Variants in MRPS25 observed in about 807,000 individuals in gnomAD.
The protein encoded by MRPS25 is small ribosomal subunit protein mS25.
In MRPS25, 15 loss-of-function variants were observed where a neutral mutation model predicts 17.3. That is an observed-to-expected ratio of 0.87 (90% CI 0.58 to 1.34). MRPS25 has a LOEUF of 1.34. Among genes scored for constraint, MRPS25 ranks in the 40% most tolerant of loss-of-function variants. The pLI is 0.00. For missense variants in MRPS25, 225 were observed against 218.6 expected (o/e 1.03, Z -0.19); for synonymous variants, 94 against 83.3 (o/e 1.13, Z -0.70).
chr3:15,057,295 C>T (rs976714124), intron 2 of MRPS25, among the ~76,000 whole-genome samples: 2 of 152,208 alleles, frequency 1.3e-5, no homozygotes, highest in East Asian at 3.9e-4. Flanking sequence ...GGCAACCTTC[C>T]CTGCCCGGCC....
At chr3:15,053,060 A>T (rs1456075214) in intron 3 of MRPS25, among the ~76,000 whole-genome samples, 1 of 152,180 alleles carries the variant, frequency 6.6e-6, no homozygotes, top group Non-Finnish European at 1.5e-5. Context: ...TGCTAGCTCC[A>T]AGCTGAGATT....
rs972705542 is a variant in MRPS25, at chr3:15,063,393, C to G, written c.134+1668G>C. ...GCAGGTACCCAAAGACTGGCTGGAC[C>G]GGTCGCAGGCACTTGGGATGGAGGT... On this transcript the variant is annotated intron_variant, in intron 1 of 3. Coordinates refer to ENST00000253686, the MANE Select transcript of MRPS25 (RefSeq NM_022497.5). Among the ~76,000 whole-genome samples, 4 of 152,248 alleles carry G rather than the reference C, an allele frequency of 2.6e-5. No homozygotes were observed. In the South Asian group the frequency reaches 6.2e-4, roughly 24 times the overall value.
downstream of MRPS25, chr3:15,043,999 TTGTG>T (rs2042362632): frequency 6.6e-6 from 1 of 152,192 alleles, no homozygotes; most frequent in Non-Finnish European, 1.5e-5. Flanking sequence ...TTGGGGGTGC[TTGTG>T]TGTTTGTCCA....
chr3:15,043,038 A>C, downstream of MRPS25: 1 of 1,608,288 alleles, frequency 6.2e-7, no homozygotes, highest in South Asian at 1.1e-5. Flanking sequence ...AAGGAGCAAC[A>C]GAATCCTTCC....
chr3:15,054,652 G>T (rs2042647378), intron 2 of MRPS25, among the ~76,000 whole-genome samples: 1 of 151,986 alleles, frequency 6.6e-6, no homozygotes, highest in Admixed American at 6.6e-5. Context: ...ACCTAGGCAA[G>T]TATATTTTGG....
chr3:15,059,815 G>A (rs1012604839), intron 1 of MRPS25, among the ~76,000 whole-genome samples: 1 of 152,184 alleles, frequency 6.6e-6, no homozygotes, highest in Non-Finnish European at 1.5e-5. Context: ...AGTTCATGGA[G>A]CTGTATACTT....
At chr3:15,046,935 C>T (rs1480152855), downstream of MRPS25, 1 of 152,656 alleles carries the variant, frequency 6.6e-6, no homozygotes, top group Non-Finnish European at 1.5e-5. Flanking sequence ...GTCTTTTGTA[C>T]ACAGGGTCTG....
In MRPS25 at chr3:15,048,872, TATCA is replaced by T. The variant is rs1163558210; in HGVS notation, c.*3565_*3568del. The T allele has an allele frequency of 6.5e-6, 1 of 152,672 alleles. No homozygotes were observed. Among genetic ancestry groups the T allele is most frequent in the Non-Finnish European group, 1.5e-5 (1 of 68,052 alleles). The allele number at this position is 152,672 out of a possible 1,614,324, so 9.5% of individuals were successfully genotyped here. On this transcript the variant is annotated 3_prime_UTR_variant, in exon 4 of 4. Transcript: ENST00000253686. Reference sequence around the variant, plus strand: ...ACCAGCCCTTTTAAAGGCATCTATCTATCAAAGGAAAATTTGGGTGTTAGATTTT... The same window carrying T: ...ACCAGCCCTTTTAAAGGCATCTATCTAAGGAAAATTTGGGTGTTAGATTTT...
chr3:15,055,379 T>C (rs1457619056), intron 2 of MRPS25, among the ~76,000 whole-genome samples: 2 of 152,162 alleles, frequency 1.3e-5, no homozygotes, highest in African/African-American at 4.8e-5. Context: ...AATGATGAGA[T>C]CTCAATGAGT....
Position 15,051,092 on chromosome 3 carries a change from C to A in MRPS25, c.*1349G>T. 1.0e-6 allele frequency: 1 copy of A among 985,418 alleles called. No homozygotes were observed. Among genetic ancestry groups the A allele is most frequent in the Non-Finnish European group, 1.2e-6 (1 of 829,898 alleles). 61.0% of individuals were successfully genotyped at this position (985,418 alleles called of 1,614,324 possible). On this transcript the variant is annotated 3_prime_UTR_variant, in exon 4 of 4. Coordinates refer to ENST00000253686, the MANE Select transcript of MRPS25 (RefSeq NM_022497.5). ...TGTCCTTTTTTAATTCTTTTAACCACTGCCTTCCTGTCTCAGATAAAGTCA... is the reference window on the plus strand; with the variant it reads ...TGTCCTTTTTTAATTCTTTTAACCAATGCCTTCCTGTCTCAGATAAAGTCA...
At chr3:15,060,864 G>C (rs1327443318) in intron 1 of MRPS25, among the ~76,000 whole-genome samples, 1 of 151,380 alleles carries the variant, frequency 6.6e-6, no homozygotes. Flanking sequence ...CTGGGTGACA[G>C]AGCAAGACTC....
chr3:15,043,311 G>A (rs1575053236), downstream of MRPS25: 3 of 199,532 alleles, frequency 1.5e-5, no homozygotes, highest in South Asian at 3.2e-4. Context: ...TATAATGTCA[G>A]AGACTAGTAT....
intron 2 of MRPS25, among the ~76,000 whole-genome samples, chr3:15,058,830 G>A (rs2042706615): frequency 6.6e-6 from 1 of 152,082 alleles, no homozygotes; most frequent in African/African-American, 2.4e-5. Flanking sequence ...TTTCCAGCGT[G>A]GAGCCAAACT....
At chr3:15,048,367 C>A (rs2042530001), downstream of MRPS25, 1 of 152,554 alleles carries the variant, frequency 6.6e-6, no homozygotes, top group African/African-American at 2.4e-5. Flanking sequence ...TAAAAGTTTC[C>A]TTTGGGGCTA....
chr3:15,065,257 A>G lies in MRPS25; in HGVS notation c.-63T>C. The G allele has an allele frequency of 6.7e-7, 1 of 1,488,692 alleles. No homozygotes were observed. Among genetic ancestry groups the G allele is most frequent in the South Asian group, 1.3e-5 (1 of 77,704 alleles). 92.2% of individuals were successfully genotyped at this position (1,488,692 alleles called of 1,614,324 possible). On this transcript the variant is annotated 5_prime_UTR_variant, in exon 1 of 4. Transcript: ENST00000253686. ...AGCCGAGCAGCGACGAGAAAGGACT[A>G]GCTAGCACCCGCGCGGATCTCACGC...
At chr3:15,064,118 C>T (rs777340543) in intron 1 of MRPS25, among the ~76,000 whole-genome samples, 2 of 152,216 alleles carry the variant, frequency 1.3e-5, no homozygotes, top group Non-Finnish European at 2.9e-5. Flanking sequence ...CTCCCCGCCC[C>T]CACGCCTCAT....
chr3:15,065,208 G>A lies in MRPS25; in HGVS notation c.-14C>T, dbSNP rs1175850658. 1.3e-6 allele frequency: 2 copies of A among 1,579,458 alleles called. No homozygotes were observed. Among genetic ancestry groups the A allele is most frequent in the Non-Finnish European group, 1.7e-6 (2 of 1,165,158 alleles). ...CTTCATGGGCATGGCGGCAACGGTGGCGGGGCCGACCCCACGGGCCGCGAG... is the reference window on the plus strand; with the variant it reads ...CTTCATGGGCATGGCGGCAACGGTGACGGGGCCGACCCCACGGGCCGCGAG... On this transcript the variant is annotated 5_prime_UTR_variant, in exon 1 of 4. Coordinates refer to ENST00000253686, the MANE Select transcript of MRPS25 (RefSeq NM_022497.5).
At chr3:15,062,478 C>T (rs1416328989) in intron 1 of MRPS25, among the ~76,000 whole-genome samples, 5 of 146,224 alleles carry the variant, frequency 3.4e-5, no homozygotes, top group African/African-American at 7.6e-5. Context: ...CCAGCCGCCC[C>T]GTCCAGGAGG....
chr3:15,057,465 A>C (rs2125134843), intron 2 of MRPS25, among the ~76,000 whole-genome samples: 2 of 152,334 alleles, frequency 1.3e-5, no homozygotes, highest in Middle Eastern at 6.8e-3. Flanking sequence ...AAGCAGCAAA[A>C]ACCACGAAAC....
Sources: allele counts gnomAD v4.1 joint callset (sites outside exome capture counted in the v4.1 genomes callset), GRCh38; gene constraint gnomAD v4.1.1; transcripts MANE v1.5; gene names NCBI Gene and HGNC (gene_info 2026-07-23, HGNC 2026-07-21).